Variants in NELL1 observed in about 807,000 individuals in gnomAD.
NELL1 encodes the protein protein kinase C-binding protein NELL1.
NELL1 carries 76 observed loss-of-function variants against 107.4 expected under a neutral mutation model. The observed-to-expected ratio is 0.71, with a 90% confidence interval of 0.59 to 0.86. The LOEUF (loss-of-function observed/expected upper bound fraction) is 0.86. NELL1 is among the 40% of genes least tolerant of loss of function. The pLI, the probability that NELL1 is intolerant of heterozygous loss-of-function variation, is 0.00. For missense variants in NELL1, 1,024 were observed against 1,005.5 expected, an observed-to-expected ratio of 1.02 and a Z score of -0.25; for synonymous variants, 353 against 341.2, an observed-to-expected ratio of 1.03 and a Z score of -0.38.
At chr11:21,425,944 G>A (rs995592280) in intron 15 of NELL1, among the ~76,000 whole-genome samples, 2 of 152,128 alleles carry the variant, frequency 1.3e-5, no homozygotes, top group African/African-American at 4.8e-5. Context: ...TTATAAATGT[G>A]GAGGTAAATG....
intron 14 of NELL1, among the ~76,000 whole-genome samples, chr11:21,278,158 C>T (rs1189825287): frequency 2.0e-5 from 3 of 152,088 alleles, no homozygotes; most frequent in Admixed American, 1.3e-4. Flanking sequence ...TGATAAAGAA[C>T]ATATACAAAA....
At chr11:21,521,509 C>G (rs547544893) in intron 15 of NELL1, among the ~76,000 whole-genome samples, 1 of 138,804 alleles carries the variant, frequency 7.2e-6, no homozygotes, top group East Asian at 2.0e-4. Flanking sequence ...TTGTTCATGT[C>G]TTCTATATTG....
At chr11:20,713,375 C>T (rs982680553) in intron 2 of NELL1, among the ~76,000 whole-genome samples, 6 of 152,062 alleles carry the variant, frequency 3.9e-5, no homozygotes, top group African/African-American at 1.4e-4. Context: ...CGGTGGTTCT[C>T]AGGCCAATGG....
Position 21,033,703 on chromosome 11 carries a change from C to T in NELL1, c.1300+73143C>T, listed in dbSNP as rs150841011. 6.9e-4 allele frequency among the ~76,000 whole-genome samples: 105 copies of T among 152,104 alleles called. 1 individual carries two copies. The East Asian group carries it at 0.014, about 20-fold the overall frequency. On this transcript the variant is annotated intron_variant, in intron 12 of 19. Coordinates refer to ENST00000357134, the MANE Select transcript of NELL1 (RefSeq NM_006157.5). Reference sequence around the variant, plus strand: ...TGAAAATAGTGCTGCAATGAGTATACACGTGCATGTGTCTTTAATATAGAA... The same window carrying T: ...TGAAAATAGTGCTGCAATGAGTATATACGTGCATGTGTCTTTAATATAGAA...
intron 12 of NELL1, among the ~76,000 whole-genome samples, chr11:20,983,378 CTGA>C (rs1209640047): frequency 2.6e-5 from 4 of 151,644 alleles, no homozygotes; most frequent in Admixed American, 2.0e-4. Context: ...TGCCATAACT[CTGA>C]TAAGTGGTTT....
intron 3 of NELL1, among the ~76,000 whole-genome samples, chr11:20,801,581 A>C (rs1857282696): frequency 6.6e-6 from 1 of 152,092 alleles, no homozygotes; most frequent in Non-Finnish European, 1.5e-5. Flanking sequence ...TTTTAACTTT[A>C]TGTAATCCCA....
At chr11:20,922,718 A>C (rs953371594) in intron 7 of NELL1, among the ~76,000 whole-genome samples, 2 of 152,138 alleles carry the variant, frequency 1.3e-5, no homozygotes, top group African/African-American at 4.8e-5. Context: ...GTGGAGATAG[A>C]GAATGGGCTT....
In NELL1 at chr11:21,114,167, C is replaced by T. The variant is rs74935110; in HGVS notation, c.1426+453C>T. Among the ~76,000 whole-genome samples the T allele has an allele frequency of 8.0e-3, 1,209 of 151,940 alleles. 13 individuals are homozygous for T. The highest frequency in any genetic ancestry group is 0.024 in the Middle Eastern group (7 of 294). ...AAAGTTTAGGTATATGGGAGCTGGT[C>T]GAAACTGTATTTAATTAATATATGC... is the stretch of plus-strand genomic sequence containing the variant. On this transcript the variant is annotated intron_variant, in intron 13 of 19. Coordinates refer to ENST00000357134, the MANE Select transcript of NELL1 (RefSeq NM_006157.5).
intron 12 of NELL1, among the ~76,000 whole-genome samples, chr11:20,986,247 G>T (rs1366727308): frequency 6.6e-6 from 1 of 152,202 alleles, no homozygotes; most frequent in Non-Finnish European, 1.5e-5. Context: ...GAATATGTTA[G>T]ATCAGGACTT....
intron 12 of NELL1, among the ~76,000 whole-genome samples, chr11:21,017,551 C>T (rs1169608861): frequency 6.6e-6 from 1 of 151,968 alleles, no homozygotes; most frequent in African/African-American, 2.4e-5. Flanking sequence ...ATGTTCTCAT[C>T]AGTTTAATGC....
chr11:20,774,360 C>G (rs150383550), intron 2 of NELL1, among the ~76,000 whole-genome samples: 2 of 143,640 alleles, frequency 1.4e-5, no homozygotes, highest in Non-Finnish European at 3.0e-5. Context: ...TCCTTTCTTT[C>G]TCTCTCTTCT....
intron 4 of NELL1, among the ~76,000 whole-genome samples, chr11:20,885,075 A>G (rs1849480551): frequency 1.3e-5 from 2 of 152,220 alleles, no homozygotes; most frequent in Admixed American, 1.3e-4. Context: ...TCCCAACTCT[A>G]CTACTCACTG....
chr11:20,735,697 G>A (rs993384469), intron 2 of NELL1, among the ~76,000 whole-genome samples: 26 of 152,280 alleles, frequency 1.7e-4, no homozygotes, highest in African/African-American at 6.0e-4. Context: ...TTTGAAGTAA[G>A]GTTAAAAGAG....
intron 14 of NELL1, among the ~76,000 whole-genome samples, chr11:21,366,377 C>T (rs573644570): frequency 2.6e-5 from 4 of 152,214 alleles, no homozygotes; most frequent in African/African-American, 9.6e-5. Context: ...TGATTTCCTT[C>T]CCATTTTGGA....
chr11:21,251,551 G>T (rs562433227), intron 14 of NELL1, among the ~76,000 whole-genome samples: 1 of 151,534 alleles, frequency 6.6e-6, no homozygotes, highest in Admixed American at 6.6e-5. Context: ...ACCTCCACCC[G>T]CCATCAACAG....
chr11:20,836,392 G>C (rs1276562577), intron 3 of NELL1, among the ~76,000 whole-genome samples: 7 of 151,918 alleles, frequency 4.6e-5, no homozygotes, highest in African/African-American at 1.7e-4. Flanking sequence ...CAGTTTGGCA[G>C]TTTCTTACAA....
chr11:20,880,654 A>G (rs145146611), intron 4 of NELL1, among the ~76,000 whole-genome samples: 58 of 152,278 alleles, frequency 3.8e-4, no homozygotes, highest in African/African-American at 1.3e-3. Context: ...TATATTTTTT[A>G]GGGTAAATTA....
intron 15 of NELL1, among the ~76,000 whole-genome samples, chr11:21,494,869 C>G (rs546240566): frequency 1.3e-5 from 2 of 152,080 alleles, no homozygotes; most frequent in African/African-American, 4.8e-5. Flanking sequence ...TTTCTCCCAT[C>G]ATACATCAAT....
intron 14 of NELL1, among the ~76,000 whole-genome samples, chr11:21,350,573 C>T (rs1007866019): frequency 2.6e-5 from 4 of 152,132 alleles, no homozygotes; most frequent in South Asian, 2.1e-4. Context: ...ACTCTTCTGG[C>T]AGGTTTAAAT....
Sources: allele counts gnomAD v4.1 joint callset (sites outside exome capture counted in the v4.1 genomes callset), GRCh38; gene constraint gnomAD v4.1.1; transcripts MANE v1.5; gene names NCBI Gene and HGNC (gene_info 2026-07-23, HGNC 2026-07-21).